Variants in IL1RAPL2 observed in about 807,000 individuals in gnomAD.
The protein encoded by IL1RAPL2 is X-linked interleukin-1 receptor accessory protein-like 2.
A neutral mutation model predicts 44.1 loss-of-function variants in IL1RAPL2; 3 were observed. That is an observed-to-expected ratio of 0.07 (90% CI 0.03 to 0.18). IL1RAPL2 has a LOEUF of 0.18. IL1RAPL2 is among the 10% of genes least tolerant of loss of function. The pLI is 1.00. For missense variants in IL1RAPL2, 391 were observed against 496.4 expected (o/e 0.79, Z 2.02); for synonymous variants, 181 against 178.8 (o/e 1.01, Z -0.10).
chrX:104,889,176 G>A (rs982906488), intron 2 of IL1RAPL2, among the ~76,000 whole-genome samples: 1 of 111,130 alleles, frequency 9.0e-6, no homozygotes, highest in Admixed American at 9.6e-5. Flanking sequence ...TCCAGGTTCT[G>A]TAATGGCAAA....
chrX:104,742,015 A>T (rs887480812), intron 2 of IL1RAPL2, among the ~76,000 whole-genome samples: 1 of 111,214 alleles, frequency 9.0e-6, no homozygotes, highest in Non-Finnish European at 1.9e-5. Flanking sequence ...CTAAATACAG[A>T]TCTCTGAACT....
intron 6 of IL1RAPL2, among the ~76,000 whole-genome samples, chrX:105,692,367 T>G (rs765252980): frequency 8.9e-6 from 1 of 112,103 alleles, no homozygotes; most frequent in South Asian, 3.7e-4. Context: ...TGATAGCTAG[T>G]CCACTGAGAT....
intron 2 of IL1RAPL2, among the ~76,000 whole-genome samples, chrX:104,741,992 A>G (rs1361676222): frequency 9.0e-6 from 1 of 111,354 alleles, no homozygotes; most frequent in Non-Finnish European, 1.9e-5. Flanking sequence ...GAGTGTTTCC[A>G]TTCTTTCTAT....
chrX:104,625,951 C>A (rs1929498469), intron 1 of IL1RAPL2, among the ~76,000 whole-genome samples: 1 of 111,032 alleles, frequency 9.0e-6, no homozygotes, highest in Non-Finnish European at 1.9e-5. Flanking sequence ...CCTTTGGGCT[C>A]TAGCATCCTT....
rs1360531723 is a variant in IL1RAPL2, at chrX:105,323,872, T to TCACACACACACACACACACACACAGACA, written c.697+56348_697+56375dup. ...GTCTGGGCAACAGAGTGAGACTCTG[T>TCACACACACACACACACACACACAGACA]CACACACACACACACACACACACAG... is the stretch of plus-strand genomic sequence containing the variant. On this transcript the variant is annotated intron_variant, in intron 5 of 10. Coordinates refer to ENST00000372582, the MANE Select transcript of IL1RAPL2 (RefSeq NM_017416.2). 2.9e-5 allele frequency among the ~76,000 whole-genome samples: 3 copies of TCACACACACACACACACACACACAGACA among 102,490 alleles called. No homozygotes were observed. The East Asian group carries it at 9.0e-4, about 31-fold the overall frequency. 89.0% of individuals were successfully genotyped at this position (102,490 alleles called of 115,157 possible). A position where few individuals can be genotyped will look rare whatever the true frequency, so the allele number is the denominator to read the frequency against.
At chrX:104,776,274 G>A (rs1471301882) in intron 2 of IL1RAPL2, among the ~76,000 whole-genome samples, 4 of 111,816 alleles carry the variant, frequency 3.6e-5, no homozygotes, top group Non-Finnish European at 5.6e-5. Context: ...ACTATTTACA[G>A]AGATATAGCT....
chrX:105,190,741 G>A (rs1013077856), intron 2 of IL1RAPL2, among the ~76,000 whole-genome samples: 1 of 112,210 alleles, frequency 8.9e-6, no homozygotes, highest in Middle Eastern at 4.2e-3. Context: ...AGTCATTAGA[G>A]TCTAGTTTTA....
At chrX:105,666,099 CT>C (rs2037765828) in intron 6 of IL1RAPL2, among the ~76,000 whole-genome samples, 10 of 100,066 alleles carry the variant, frequency 1.0e-4, no homozygotes, top group Non-Finnish European at 1.2e-4. Context: ...TTTTTTTTTG[CT>C]GTTTTGAGCA....
At chrX:105,256,076 G>A (rs2034311908) in intron 4 of IL1RAPL2, among the ~76,000 whole-genome samples, 1 of 111,557 alleles carries the variant, frequency 9.0e-6, no homozygotes, top group Non-Finnish European at 1.9e-5. Flanking sequence ...GAGGATTTCT[G>A]CATTGAAGTA....
intron 2 of IL1RAPL2, among the ~76,000 whole-genome samples, chrX:104,915,339 T>G (rs1203988372): frequency 9.0e-6 from 1 of 111,056 alleles, no homozygotes; most frequent in Admixed American, 9.5e-5. Context: ...TTTTTTCATG[T>G]GTTTTTTGGC....
chrX:105,074,625 C>T (rs2032262690), intron 2 of IL1RAPL2, among the ~76,000 whole-genome samples: 1 of 105,736 alleles, frequency 9.5e-6, no homozygotes, highest in Non-Finnish European at 2.0e-5. Context: ...TGTAAATTAC[C>T]TTGGGCAGTA....
rs1345683078 is a variant in IL1RAPL2 at position 104,846,777 on chromosome X, C to T, written c.82+187782C>T. ...GATCCTTGAGGATTCACCACACTGT[C>T]TTCCACAATGGTTGAACTAGTTTAC... On this transcript the variant is annotated intron_variant, in intron 2 of 10. Coordinates refer to ENST00000372582, the MANE Select transcript of IL1RAPL2 (RefSeq NM_017416.2). Among the ~76,000 whole-genome samples the T allele has an allele frequency of 5.4e-5, 6 of 112,097 alleles. No individual in the cohort carries two copies. In the Admixed American group the frequency reaches 5.7e-4, roughly 11 times the overall value.
intron 2 of IL1RAPL2, among the ~76,000 whole-genome samples, chrX:104,936,159 C>A (rs1361376150): frequency 8.9e-6 from 1 of 111,738 alleles, no homozygotes; most frequent in Non-Finnish European, 1.9e-5. Context: ...TCTCCCATTT[C>A]ATTCCCTGTC....
At position 104,896,110 on chromosome X, in the gene IL1RAPL2, A is replaced by G. The variant is rs756503871; in HGVS notation, c.82+237115A>G. Among the ~76,000 whole-genome samples, 8 of 111,702 alleles carry G rather than the reference A, an allele frequency of 7.2e-5. No homozygotes were observed. In the East Asian group the frequency reaches 2.3e-3, roughly 32 times the overall value. On this transcript the variant is annotated intron_variant, in intron 2 of 10. Coordinates refer to ENST00000372582, the MANE Select transcript of IL1RAPL2 (RefSeq NM_017416.2). ...TACAGGAAAAGGCTTCTGAAATCAC[A>G]CAACACCTTTCAAACTCTTATACCA...
chrX:104,819,979 T>A (rs768785620), intron 2 of IL1RAPL2, among the ~76,000 whole-genome samples: 24 of 111,617 alleles, frequency 2.2e-4, no homozygotes, highest in African/African-American at 2.9e-4. Flanking sequence ...TAAACGTGTG[T>A]TTTTAAATCT....
At chrX:104,715,690 A>T (rs952143049) in intron 2 of IL1RAPL2, among the ~76,000 whole-genome samples, 19 of 109,340 alleles carry the variant, frequency 1.7e-4, no homozygotes, top group East Asian at 2.9e-4. Flanking sequence ...TAAAAAAAAA[A>T]AATAATAAAA....
chrX:105,752,425 C>A (rs928250526), intron 9 of IL1RAPL2, among the ~76,000 whole-genome samples: 1 of 112,059 alleles, frequency 8.9e-6, no homozygotes, highest in Non-Finnish European at 1.9e-5. Flanking sequence ...TTCTACAAAA[C>A]GTTTCGTTAT....
At position 104,582,469 on chromosome X, in the gene IL1RAPL2, A is replaced by G. The variant is rs184013438; in HGVS notation, c.-20+15418A>G. Reference sequence around the variant, plus strand: ...TTTTTTCTAACTTGGTGAACAGTCAACAAGTAATCATACAGCTTTTTCTTT... The same window carrying G: ...TTTTTTCTAACTTGGTGAACAGTCAGCAAGTAATCATACAGCTTTTTCTTT... On this transcript the variant is annotated intron_variant, in intron 1 of 10. Transcript: ENST00000372582. 1.4e-4 allele frequency among the ~76,000 whole-genome samples: 16 copies of G among 111,345 alleles called. No homozygotes were observed. The East Asian group carries it at 4.0e-3, about 28-fold the overall frequency.
At chrX:105,078,746 C>G (rs1283824385) in intron 2 of IL1RAPL2, among the ~76,000 whole-genome samples, 2 of 112,446 alleles carry the variant, frequency 1.8e-5, no homozygotes, top group East Asian at 5.6e-4. Flanking sequence ...CGCCCCTCCC[C>G]CAGCCTCGCT....
Sources: allele counts gnomAD v4.1 joint callset (sites outside exome capture counted in the v4.1 genomes callset), GRCh38; gene constraint gnomAD v4.1.1; transcripts MANE v1.5; gene names NCBI Gene and HGNC (gene_info 2026-07-23, HGNC 2026-07-21).